The following PCCA variants were observed in gnomAD, a reference collection of about 807,000 sequenced individuals.
PCCA encodes propionyl-CoA carboxylase alpha chain, mitochondrial.
In PCCA, 74 loss-of-function variants were observed where a neutral mutation model predicts 101.3. The observed-to-expected ratio is 0.73, with a 90% CI of 0.61 to 0.89. The LOEUF is 0.89. Ranked by LOEUF, PCCA falls within the 40% of genes least tolerant of loss-of-function variation. PCCA has a pLI of 0.00. For synonymous variants in PCCA, 294 were observed against 313.6 expected, an observed-to-expected ratio of 0.94 and a Z score of 0.66; for missense variants, 891 against 907.0, an observed-to-expected ratio of 0.98 and a Z score of 0.23.
chr13:100,526,448 G>C (rs1486011388), intron 22 of PCCA, among the ~76,000 whole-genome samples: 1 of 152,246 alleles, frequency 6.6e-6, no homozygotes, highest in Non-Finnish European at 1.5e-5. Flanking sequence ...CTGAACAGCA[G>C]AGGAAAAGAG....
At chr13:100,250,452 T>TAAA (rs1566795806) in intron 8 of PCCA, among the ~76,000 whole-genome samples, 5 of 152,222 alleles carry the variant, frequency 3.3e-5, no homozygotes, top group Non-Finnish European at 7.4e-5. Context: ...TTATTGGATT[T>TAAA]TTTAGTCATT....
rs543506410 is a variant in PCCA, at chr13:100,120,020, C to T, written c.300+7959C>T. ...CCGAGTAGCTGGGCTTACAGGCATG[C>T]ATCACCAAACTACTGAATTTTCAGT... On this transcript the variant is annotated intron_variant, in intron 4 of 23. Transcript: ENST00000376285. Among the ~76,000 whole-genome samples the T allele has an allele frequency of 7.9e-5, 12 of 151,818 alleles. No individual in the cohort carries two copies. The South Asian group carries it at 2.1e-3, about 26-fold the overall frequency.
chr13:100,228,148 T>C (rs1035058190), intron 7 of PCCA, among the ~76,000 whole-genome samples: 2 of 152,130 alleles, frequency 1.3e-5, no homozygotes, highest in African/African-American at 4.8e-5. Context: ...CCGGAGTAGC[T>C]GGGATTAAAG....
intron 22 of PCCA, among the ~76,000 whole-genome samples, chr13:100,522,079 A>G (rs533202711): frequency 4.6e-5 from 7 of 152,312 alleles, no homozygotes; most frequent in Non-Finnish European, 1.0e-4. Context: ...AACAGGCAGG[A>G]AACAGTTTTC....
chr13:100,151,142 A>G (rs1003359080), intron 4 of PCCA: 38 of 988,706 alleles, frequency 3.8e-5, no homozygotes, highest in Non-Finnish European at 5.6e-5. Flanking sequence ...AAGAAGTTTA[A>G]TTTATTTTTT....
At chr13:100,417,590 G>A (rs2078460671) in intron 19 of PCCA, among the ~76,000 whole-genome samples, 1 of 152,060 alleles carries the variant, frequency 6.6e-6, no homozygotes, top group African/African-American at 2.4e-5. Context: ...GCCGGGGTTT[G>A]GTCTAAGATG....
intron 18 of PCCA, among the ~76,000 whole-genome samples, chr13:100,360,619 A>G (rs1446411077): frequency 1.3e-5 from 2 of 152,222 alleles, no homozygotes; most frequent in Non-Finnish European, 2.9e-5. Flanking sequence ...AAAAGATACC[A>G]CTACATACCT....
chr13:100,315,486 C>G (rs1178163609), intron 16 of PCCA, among the ~76,000 whole-genome samples: 3 of 152,126 alleles, frequency 2.0e-5, no homozygotes, highest in Non-Finnish European at 4.4e-5. Flanking sequence ...AATCTACTGT[C>G]TTGTTTGGTA....
rs140284754 is a variant in PCCA at position 100,380,032 on chromosome 13, A to AACAC, written c.1746+11476_1746+11479dup. ...GACCCAGAATAGCCAAAGTAATCTAAACACACACACACACACACACAGACA... is the reference window on the plus strand; with the variant it reads ...GACCCAGAATAGCCAAAGTAATCTAAACACACACACACACACACACACACAGACA... On this transcript the variant is annotated intron_variant, in intron 19 of 23. Transcript: ENST00000376285. Among the ~76,000 whole-genome samples the AACAC allele has an allele frequency of 6.3e-3, 950 of 149,656 alleles. 11 individuals carry two copies. The highest frequency in any genetic ancestry group is 0.022 in the African/African-American group (906 of 40,890).
At chr13:100,272,144 G>C (rs1262178630) in intron 11 of PCCA, among the ~76,000 whole-genome samples, 1 of 152,124 alleles carries the variant, frequency 6.6e-6, no homozygotes, top group Non-Finnish European at 1.5e-5. Context: ...TAACTTGCCT[G>C]CTTGAAGGTG....
At chr13:100,194,542 C>T (rs563409138) in intron 6 of PCCA, among the ~76,000 whole-genome samples, 2 of 152,186 alleles carry the variant, frequency 1.3e-5, no homozygotes, top group South Asian at 4.1e-4. Flanking sequence ...CTCAGCCTCC[C>T]GAGTAGCTGG....
intron 19 of PCCA, among the ~76,000 whole-genome samples, chr13:100,421,482 AG>A (rs2078751296): frequency 6.6e-6 from 1 of 152,136 alleles, no homozygotes; most frequent in South Asian, 2.1e-4. Flanking sequence ...TTTTTAAAGA[AG>A]GGGCACTAAG....
chr13:100,487,655 G>A lies in PCCA; in HGVS notation c.1900-27772G>A, dbSNP rs571760635. Among the ~76,000 whole-genome samples, 109 of 152,206 alleles carry A rather than the reference G, an allele frequency of 7.2e-4. 5 individuals are homozygous for A. In the South Asian group the frequency reaches 0.022, roughly 30 times the overall value. ...ACCACTGAGTCCTTGTTTTCTTTGG[G>A]CATGTACTAAGTAGCCTTTCCCAGA... On this transcript the variant is annotated intron_variant, in intron 21 of 23. Coordinates refer to ENST00000376285, the MANE Select transcript of PCCA (RefSeq NM_000282.4).
At chr13:100,397,729 C>T (rs1293599960) in intron 19 of PCCA, among the ~76,000 whole-genome samples, 3 of 151,942 alleles carry the variant, frequency 2.0e-5, no homozygotes, top group East Asian at 1.9e-4. Context: ...ATTGTGGCAG[C>T]GTGGTAATGG....
At chr13:100,426,521 T>C (rs2079157590) in intron 20 of PCCA, among the ~76,000 whole-genome samples, 1 of 152,178 alleles carries the variant, frequency 6.6e-6, no homozygotes, top group African/African-American at 2.4e-5. Context: ...ATCAGGATAA[T>C]CACAGATTAA....
chr13:100,488,219 G>T (rs963278411), intron 21 of PCCA, among the ~76,000 whole-genome samples: 2 of 151,996 alleles, frequency 1.3e-5, no homozygotes, highest in African/African-American at 4.8e-5. Flanking sequence ...TCAGCCTCCC[G>T]AGTAGCTGGG....
intron 21 of PCCA, among the ~76,000 whole-genome samples, chr13:100,497,478 TA>T (rs1357976766): frequency 5.3e-5 from 8 of 151,438 alleles, no homozygotes; most frequent in East Asian, 2.0e-4. Flanking sequence ...TTTTTTTTTT[TA>T]ATTTTAGTGG....
At chr13:100,318,019 G>C (rs759826251) in intron 16 of PCCA, among the ~76,000 whole-genome samples, 1 of 152,014 alleles carries the variant, frequency 6.6e-6, no homozygotes, top group Non-Finnish European at 1.5e-5. Context: ...GCATATCTCC[G>C]CAATTGTCCC....
At chr13:100,399,942 C>A (rs945041681) in intron 19 of PCCA, among the ~76,000 whole-genome samples, 1 of 152,162 alleles carries the variant, frequency 6.6e-6, no homozygotes, top group Non-Finnish European at 1.5e-5. Flanking sequence ...AAGGAGATAA[C>A]AATCATTAAT....
Sources: gnomAD v4.1 joint callset for allele counts (sites outside exome capture counted in the v4.1 genomes callset) on GRCh38, gnomAD v4.1.1 for gene constraint, MANE v1.5 for transcripts, NCBI Gene and HGNC (gene_info 2026-07-23, HGNC 2026-07-21) for gene names.